The following RTL4 variants were observed in gnomAD, a reference collection of about 807,000 sequenced individuals.
The protein encoded by RTL4 is retrotransposon Gag-like protein 4.
A neutral mutation model predicts 5.3 loss-of-function variants in RTL4; 4 were observed. The ratio of observed to expected loss-of-function variants is 0.75; its 90% CI spans 0.37 to 1.72. The LOEUF (loss-of-function observed/expected upper bound fraction) is 1.72, where lower values mean the gene tolerates loss of function less well. Among genes scored for constraint, RTL4 ranks in the 40% most tolerant of loss-of-function variants. The pLI is 0.04. For missense variants in RTL4, 260 were observed against 227.1 expected, an observed-to-expected ratio of 1.14 and a Z score of -0.93; for synonymous variants, 98 against 87.3, an observed-to-expected ratio of 1.12 and a Z score of -0.68.
the RTL4 span, among the ~76,000 whole-genome samples, chrX:112,310,641 T>C: frequency 3.2e-5 from 2 of 63,246 alleles, no homozygotes; most frequent in Non-Finnish European, 5.1e-5. Context: ...TTATATATTA[T>C]ATATATTTAT....
the RTL4 span, among the ~76,000 whole-genome samples, chrX:112,308,407 G>T: frequency 9.0e-6 from 1 of 111,563 alleles, no homozygotes; most frequent in Non-Finnish European, 1.9e-5. Context: ...ATATTTAGAA[G>T]TCAGTGCTGT....
chrX:112,230,492 C>T, the RTL4 span, among the ~76,000 whole-genome samples: 2 of 112,300 alleles, frequency 1.8e-5, no homozygotes, highest in African/African-American at 6.5e-5. Context: ...GAGGCAATGC[C>T]TCGCCCTGCT....
the RTL4 span, among the ~76,000 whole-genome samples, chrX:112,391,366 G>A: frequency 1.1e-3 from 127 of 111,334 alleles, 2 homozygotes; most frequent in African/African-American, 4.0e-3. Flanking sequence ...TGATGTGGTC[G>A]TTTGGAGGAC....
chrX:112,153,237 G>C, the RTL4 span, among the ~76,000 whole-genome samples: 1 of 111,368 alleles, frequency 9.0e-6, no homozygotes, highest in African/African-American at 3.3e-5. Flanking sequence ...TTCTCCATGG[G>C]AACATTAAAG....
chrX:112,217,570 T>C, the RTL4 span, among the ~76,000 whole-genome samples: 2 of 111,714 alleles, frequency 1.8e-5, no homozygotes, highest in Middle Eastern at 4.6e-3. Flanking sequence ...TTCTTAGTGG[T>C]GGGGGAGTCA....
At chrX:112,306,193 C>T in the RTL4 span, among the ~76,000 whole-genome samples, 1 of 111,406 alleles carries the variant, frequency 9.0e-6, no homozygotes, top group Non-Finnish European at 1.9e-5. Flanking sequence ...TTCTATATCT[C>T]GCCCCACCCA....
chrX:112,364,647 C>T, the RTL4 span, among the ~76,000 whole-genome samples: 1 of 110,843 alleles, frequency 9.0e-6, no homozygotes, highest in East Asian at 2.9e-4. Flanking sequence ...GGAGGAATGG[C>T]AACTCCGAGC....
At chrX:112,114,641 T>C in the RTL4 span, among the ~76,000 whole-genome samples, 1 of 111,323 alleles carries the variant, frequency 9.0e-6, no homozygotes, top group Non-Finnish European at 1.9e-5. Context: ...ACAAAACTGA[T>C]AGACAGGAGG....
chrX:112,236,604 C>T, the RTL4 span, among the ~76,000 whole-genome samples: 1 of 103,597 alleles, frequency 9.7e-6, no homozygotes, highest in East Asian at 3.1e-4. Flanking sequence ...TTTAGAGAAA[C>T]CCAAAGGCAG....
the RTL4 span, among the ~76,000 whole-genome samples, chrX:112,246,359 C>T: frequency 2.7e-5 from 3 of 111,452 alleles, no homozygotes; most frequent in Non-Finnish European, 3.8e-5. Context: ...CTCATTGAGC[C>T]GTGTTGGTCT....
chrX:112,192,147 G>T, the RTL4 span, among the ~76,000 whole-genome samples: 1 of 99,555 alleles, frequency 1.0e-5, no homozygotes, highest in Non-Finnish European at 2.0e-5. Flanking sequence ...ACCTTTAATA[G>T]GTTTTTTTTT....
At chrX:112,430,945 CA>C in the RTL4 span, among the ~76,000 whole-genome samples, 1 of 111,729 alleles carries the variant, frequency 9.0e-6, no homozygotes, top group African/African-American at 3.3e-5. Flanking sequence ...ATGTATTGGG[CA>C]AAAAGATCTG....
chrX:112,231,982 A>T, the RTL4 span, among the ~76,000 whole-genome samples: 1 of 111,969 alleles, frequency 8.9e-6, no homozygotes, highest in African/African-American at 3.3e-5. Flanking sequence ...ATGATCATTA[A>T]ATGGGGATAA....
At chrX:112,110,876 C>G in the RTL4 span, among the ~76,000 whole-genome samples, 1 of 111,615 alleles carries the variant, frequency 9.0e-6, no homozygotes, top group Non-Finnish European at 1.9e-5. Flanking sequence ...GGGAGTTCCT[C>G]CTAGATCTGG....
chrX:112,102,425 A>G, the RTL4 span, among the ~76,000 whole-genome samples: 4 of 111,952 alleles, frequency 3.6e-5, no homozygotes, highest in African/African-American at 6.5e-5. Context: ...ACTAATAACC[A>G]TAAAAAGTTG....
the RTL4 span, among the ~76,000 whole-genome samples, chrX:112,213,939 G>A: frequency 1.8e-5 from 2 of 110,215 alleles, no homozygotes; most frequent in Admixed American, 9.7e-5. Context: ...AAGTATACAC[G>A]TGTGAAACCA....
chrX:112,358,930 C>T, the RTL4 span, among the ~76,000 whole-genome samples: 3 of 111,224 alleles, frequency 2.7e-5, no homozygotes, highest in Admixed American at 9.6e-5. Flanking sequence ...GAATCAACGC[C>T]GTCCAAACTA....
chrX:112,164,624 G>A, the RTL4 span, among the ~76,000 whole-genome samples: 2 of 112,006 alleles, frequency 1.8e-5, no homozygotes, highest in Non-Finnish European at 3.8e-5. Context: ...GAGGCTGAGT[G>A]TCACTGTCTT....
the RTL4 span, among the ~76,000 whole-genome samples, chrX:112,203,545 C>T: frequency 9.0e-6 from 1 of 110,962 alleles, no homozygotes; most frequent in South Asian, 3.9e-4. Context: ...TCCTTTTTCT[C>T]ATATGTTGGG....
Sources: gnomAD v4.1 joint callset for allele counts (sites outside exome capture counted in the v4.1 genomes callset) on GRCh38, gnomAD v4.1.1 for gene constraint, MANE v1.5 for transcripts, NCBI Gene and HGNC (gene_info 2026-07-23, HGNC 2026-07-21) for gene names.